Variants in CNTNAP4 observed in about 807,000 individuals in gnomAD.
CNTNAP4 encodes contactin associated protein family member 4, also known as contactin-associated protein-like 4.
In CNTNAP4, 98 loss-of-function variants were observed where a neutral mutation model predicts 148.4. That is an observed-to-expected ratio of 0.66 (90% CI 0.56 to 0.78). CNTNAP4 has a LOEUF of 0.78. CNTNAP4 is among the 30% of genes least tolerant of loss of function. The pLI is 0.00. For synonymous variants in CNTNAP4, 730 were observed against 565.1 expected (o/e 1.29, Z -4.14); for missense variants, 1,935 against 1,565.6 (o/e 1.24, Z -3.98).
intron 4 of CNTNAP4, among the ~76,000 whole-genome samples, chr16:76,440,520 C>T (rs1443883925): frequency 6.6e-6 from 1 of 152,088 alleles, no homozygotes; most frequent in Non-Finnish European, 1.5e-5. Context: ...CATTCATTTC[C>T]ATGGTACAAT....
At chr16:76,543,647 C>T (rs578048386) in intron 21 of CNTNAP4, among the ~76,000 whole-genome samples, 2 of 152,264 alleles carry the variant, frequency 1.3e-5, no homozygotes, top group African/African-American at 4.8e-5. Context: ...AAAGATTTAG[C>T]AATGTTCAGG....
intron 15 of CNTNAP4, among the ~76,000 whole-genome samples, chr16:76,501,648 C>T (rs1460157603): frequency 6.6e-6 from 1 of 152,086 alleles, no homozygotes; most frequent in African/African-American, 2.4e-5. Flanking sequence ...AAACATCCTA[C>T]AATGCATGAG....
intron 3 of CNTNAP4, among the ~76,000 whole-genome samples, chr16:76,416,549 T>C (rs1461436339): frequency 6.6e-6 from 1 of 151,376 alleles, no homozygotes; most frequent in Non-Finnish European, 1.5e-5. Context: ...AGGAACTTTC[T>C]AGTTATTTTT....
chr16:76,367,324 T>C (rs17766862), intron 3 of CNTNAP4, among the ~76,000 whole-genome samples: 20,203 of 151,840 alleles, frequency 0.13, 2,059 homozygotes, highest in East Asian at 0.47. Flanking sequence ...AAAGAAAATA[T>C]AGGACAATGT....
intron 2 of CNTNAP4, among the ~76,000 whole-genome samples, chr16:76,317,759 T>C (rs1961956030): frequency 6.6e-6 from 1 of 152,112 alleles, no homozygotes; most frequent in South Asian, 2.1e-4. Flanking sequence ...CTGGTATACA[T>C]AATATATATC....
At chr16:76,425,239 T>C (rs1228059409) in intron 3 of CNTNAP4, among the ~76,000 whole-genome samples, 1 of 152,132 alleles carries the variant, frequency 6.6e-6, no homozygotes, top group Non-Finnish European at 1.5e-5. Flanking sequence ...TTTCTGGCCT[T>C]ATATGTTTGA....
chr16:76,441,432 A>G (rs188410573), intron 4 of CNTNAP4, among the ~76,000 whole-genome samples: 1 of 152,306 alleles, frequency 6.6e-6, no homozygotes, highest in Non-Finnish European at 1.5e-5. Context: ...AAAGCAAGCT[A>G]TACCTACGGG....
chr16:76,494,956 A>G lies in CNTNAP4; in HGVS notation c.2127A>G (p.Gln709=). 1.2e-6 allele frequency: 2 copies of G among 1,613,624 alleles called. No individual in the cohort carries two copies. Among genetic ancestry groups the G allele is most frequent in the Non-Finnish European group, 1.7e-6 (2 of 1,179,632 alleles). Residue 709 remains glutamine (Q), a synonymous_variant, in exon 14 of 24, where the codon CAA becomes CAG. Coordinates refer to ENST00000611870, the MANE Select transcript of CNTNAP4 (RefSeq NM_033401.5). The part of the protein sequence containing the change: ...SWWVGRTNET[Q]TYWGGSSPDL... Reference sequence around the variant, plus strand: ...GGGTAGGAAGAACCAATGAAACGCAAACCTACTGGGGAGGTTCTTCGCCTG... The same window carrying G: ...GGGTAGGAAGAACCAATGAAACGCAGACCTACTGGGGAGGTTCTTCGCCTG...
chr16:76,418,511 G>C (rs1341227321), intron 3 of CNTNAP4, among the ~76,000 whole-genome samples: 3 of 151,356 alleles, frequency 2.0e-5, no homozygotes, highest in Admixed American at 6.6e-5. Flanking sequence ...CTTCACTTCT[G>C]TTCCAGCATT....
chr16:76,298,490 G>A (rs1043609713), intron 1 of CNTNAP4, among the ~76,000 whole-genome samples: 1 of 107,732 alleles, frequency 9.3e-6, no homozygotes. Flanking sequence ...ACATGTATGT[G>A]TGTGTGTGTG....
At chr16:76,516,812 C>G (rs1037175878) in intron 15 of CNTNAP4, among the ~76,000 whole-genome samples, 3 of 152,146 alleles carry the variant, frequency 2.0e-5, no homozygotes, top group Admixed American at 1.3e-4. Flanking sequence ...GCCTGTAATC[C>G]CAGCACTTTG....
chr16:76,434,628 A>C (rs1317321725), intron 4 of CNTNAP4, among the ~76,000 whole-genome samples: 3 of 152,222 alleles, frequency 2.0e-5, no homozygotes, highest in Non-Finnish European at 4.4e-5. Flanking sequence ...TGATGTTGGC[A>C]CTAATCTCTG....
chr16:76,452,159 A>G (rs571077633), intron 7 of CNTNAP4, among the ~76,000 whole-genome samples: 171 of 152,232 alleles, frequency 1.1e-3, no homozygotes, highest in African/African-American at 3.5e-3. Flanking sequence ...ATTCATTGGA[A>G]CAATGTATTT....
At chr16:76,287,010 G>A (rs895397988) in intron 1 of CNTNAP4, among the ~76,000 whole-genome samples, 1 of 152,116 alleles carries the variant, frequency 6.6e-6, no homozygotes, top group African/African-American at 2.4e-5. Context: ...TTGAACTGCT[G>A]TACTTTAACA....
At chr16:76,298,612 T>A (rs1959586780) in intron 1 of CNTNAP4, among the ~76,000 whole-genome samples, 1 of 149,526 alleles carries the variant, frequency 6.7e-6, no homozygotes, top group African/African-American at 2.5e-5. Context: ...GAATCTGAAA[T>A]GAAAGCAGAA....
intron 1 of CNTNAP4, among the ~76,000 whole-genome samples, chr16:76,289,073 A>ATT (rs1959005614): frequency 6.6e-6 from 1 of 151,486 alleles, no homozygotes; most frequent in Non-Finnish European, 1.5e-5. Flanking sequence ...CACCTTTTAA[A>ATT]AAAAAAATTT....
chr16:76,463,982 C>T (rs2143450344), intron 9 of CNTNAP4, among the ~76,000 whole-genome samples: 1 of 152,276 alleles, frequency 6.6e-6, no homozygotes, highest in Non-Finnish European at 1.5e-5. Context: ...TGTTCTTTCA[C>T]ATCAGAATAT....
intron 3 of CNTNAP4, among the ~76,000 whole-genome samples, chr16:76,386,290 C>G (rs982918359): frequency 6.6e-6 from 1 of 152,136 alleles, no homozygotes; most frequent in Admixed American, 6.5e-5. Context: ...CTTTTATAAT[C>G]TGTTTATAAA....
intron 1 of CNTNAP4, among the ~76,000 whole-genome samples, chr16:76,304,692 T>C (rs9925921): frequency 0.29 from 44,370 of 151,914 alleles, 7,299 homozygotes; most frequent in Non-Finnish European, 0.39. Flanking sequence ...GCAATATATG[T>C]GTGTCGCCAC....
Sources: allele counts gnomAD v4.1 joint callset (sites outside exome capture counted in the v4.1 genomes callset), GRCh38; gene constraint gnomAD v4.1.1; transcripts MANE v1.5; gene names NCBI Gene and HGNC (gene_info 2026-07-23, HGNC 2026-07-21).